Variants in STAP1 observed in about 807,000 individuals in gnomAD.
STAP1 encodes signal transducing adaptor family member 1.
A neutral mutation model predicts 37.8 loss-of-function variants in STAP1; 30 were observed. The observed-to-expected ratio is 0.79, with a 90% CI of 0.59 to 1.08. The LOEUF (loss-of-function observed/expected upper bound fraction) is 1.08. Among genes scored for constraint, STAP1 ranks in the 50% least tolerant of loss-of-function variants. The pLI is 0.00. For synonymous variants in STAP1, 130 were observed against 116.0 expected, an observed-to-expected ratio of 1.12 and a Z score of -0.78; for missense variants, 357 against 349.4, an observed-to-expected ratio of 1.02 and a Z score of -0.17.
chr4:67,563,588 A>T (rs924676529), intron 1 of STAP1, among the ~76,000 whole-genome samples: 2 of 152,248 alleles, frequency 1.3e-5, no homozygotes, highest in Admixed American at 6.5e-5. Context: ...CTGTATTCTC[A>T]GGTACTCGGG....
In STAP1 at chr4:67,571,155, AG is replaced by A; in HGVS notation, c.192+1del. 1 of 1,589,630 alleles carries A rather than the reference AG, an allele frequency of 6.3e-7. No homozygotes were observed. Among genetic ancestry groups the A allele is most frequent in the Non-Finnish European group, 8.6e-7 (1 of 1,157,784 alleles). On this transcript the variant is annotated splice_donor_variant, in intron 2 of 8. Transcript: ENST00000265404. LOFTEE classifies it high-confidence loss of function. ...TTTATACCGACAAAAAGAGTATAATAGTAAGTAAATATGTTGAGCTGATTCC... is the reference window on the plus strand; with the variant it reads ...TTTATACCGACAAAAAGAGTATAATATAAGTAAATATGTTGAGCTGATTCC...
At chr4:67,597,757 C>G (rs1728256867) in intron 8 of STAP1, among the ~76,000 whole-genome samples, 1 of 152,086 alleles carries the variant, frequency 6.6e-6, no homozygotes, top group Non-Finnish European at 1.5e-5. Context: ...TCCCGTAGCC[C>G]CTTTGTTTTG....
chr4:67,572,787 T>C (rs1441568076), intron 2 of STAP1, among the ~76,000 whole-genome samples: 2 of 152,186 alleles, frequency 1.3e-5, no homozygotes, highest in Admixed American at 1.3e-4. Flanking sequence ...CTAATTTAAG[T>C]CTCACAACTC....
rs372913585 is a variant in STAP1, at chr4:67,603,358, G to C, written c.827-2938G>C. 3.3e-4 allele frequency among the ~76,000 whole-genome samples: 51 copies of C among 152,276 alleles called. 1 individual carries two copies. The South Asian group carries it at 0.011, about 32-fold the overall frequency. On this transcript the variant is annotated intron_variant, in intron 8 of 8. Transcript: ENST00000265404. ...AATTGGGAACCACAAGGCCCTGCTT[G>C]GTGTTCTACCCCACTGTGGCCAAAC... is the stretch of plus-strand genomic sequence containing the variant.
chr4:67,597,887 A>T (rs915567854), intron 8 of STAP1, among the ~76,000 whole-genome samples: 1 of 152,196 alleles, frequency 6.6e-6, no homozygotes, highest in African/African-American at 2.4e-5. Flanking sequence ...GCCTTGTCTC[A>T]TATGAGACTT....
intron 8 of STAP1, among the ~76,000 whole-genome samples, chr4:67,605,631 CA>C (rs1255295408): frequency 1.3e-5 from 2 of 152,050 alleles, no homozygotes; most frequent in Non-Finnish European, 2.9e-5. Context: ...TATTTTCTTT[CA>C]AAAGCAGAAA....
At chr4:67,594,728 C>T (rs1560466413) in intron 8 of STAP1, among the ~76,000 whole-genome samples, 1 of 152,120 alleles carries the variant, frequency 6.6e-6, no homozygotes, top group Non-Finnish European at 1.5e-5. Context: ...TTACTCTCAT[C>T]TTTGATGTTC....
intron 1 of STAP1, among the ~76,000 whole-genome samples, chr4:67,570,027 G>A (rs994484642): frequency 1.3e-5 from 2 of 152,150 alleles, no homozygotes; most frequent in African/African-American, 2.4e-5. Flanking sequence ...ACCAGGCCCA[G>A]CCCCAGTGGA....
Position 67,583,629 on chromosome 4 carries a change from T to G in STAP1, c.586T>G (p.Ser196Ala), listed in dbSNP as rs773505514. 1 of 1,614,026 alleles carries G rather than the reference T, an allele frequency of 6.2e-7. No homozygotes were observed. The change falls in exon 6 of 9, where the codon TCT (serine) becomes GCT (alanine). Residue 196 changes from serine to alanine, a missense_variant. Coordinates refer to ENST00000265404, the MANE Select transcript of STAP1 (RefSeq NM_012108.4). The stretch of plus-strand genomic sequence containing the variant: ...AACTGAGATGCTCCAGAAGAACCCT[T>G]CTTTGGGAAATATGATCCTGAGGCC... ...EATEMLQKNP[S>A]LGNMILRPGS...
Sources: allele counts gnomAD v4.1 joint callset (sites outside exome capture counted in the v4.1 genomes callset), GRCh38; gene constraint gnomAD v4.1.1; transcripts MANE v1.5; gene names NCBI Gene and HGNC (gene_info 2026-07-23, HGNC 2026-07-21).